The following PDE1A variants were observed in gnomAD, a reference collection of about 807,000 sequenced individuals.
The protein encoded by PDE1A is phosphodiesterase 1A.
PDE1A carries 35 observed loss-of-function variants against 61.7 expected under a neutral mutation model. The ratio of observed to expected loss-of-function variants is 0.57; its 90% CI spans 0.43 to 0.75. PDE1A has a LOEUF of 0.75. Ranked by LOEUF, PDE1A falls within the 30% of genes least tolerant of loss-of-function variation. The pLI is 0.00. For missense variants in PDE1A, 597 were observed against 630.6 expected, an observed-to-expected ratio of 0.95 and a Z score of 0.57; for synonymous variants, 232 against 213.2, an observed-to-expected ratio of 1.09 and a Z score of -0.77.
At chr2:182,450,766 T>C (rs193186613) in intron 2 of PDE1A, among the ~76,000 whole-genome samples, 47 of 150,944 alleles carry the variant, frequency 3.1e-4, no homozygotes, top group African/African-American at 1.1e-3. Flanking sequence ...TTTCACTATG[T>C]ATAAAAAAGA....
the PDE1A span, among the ~76,000 whole-genome samples, chr2:182,671,293 T>A: frequency 1.3e-4 from 3 of 23,422 alleles, no homozygotes; most frequent in Admixed American, 8.3e-4. Flanking sequence ...TGCCTCAGCC[T>A]CCCGAGTAGC....
At chr2:182,573,030 T>A in the PDE1A span, among the ~76,000 whole-genome samples, 1 of 152,126 alleles carries the variant, frequency 6.6e-6, no homozygotes, top group Non-Finnish European at 1.5e-5. Context: ...TGTTTTTAAA[T>A]CCCCAATGAA....
intron 3 of PDE1A, among the ~76,000 whole-genome samples, chr2:182,238,565 T>G (rs914863023): frequency 1.3e-5 from 2 of 152,202 alleles, no homozygotes; most frequent in Non-Finnish European, 2.9e-5. Context: ...AGACTTCAAG[T>G]AGACTTTCAG....
the PDE1A span, among the ~76,000 whole-genome samples, chr2:182,627,320 TTA>T: frequency 4.2e-4 from 36 of 86,536 alleles, no homozygotes; most frequent in African/African-American, 1.5e-3. Flanking sequence ...AATATATATA[TTA>T]TATATATAAA....
intron 1 of PDE1A, among the ~76,000 whole-genome samples, chr2:182,322,673 T>C (rs1444583248): frequency 6.6e-6 from 1 of 152,196 alleles, no homozygotes; most frequent in African/African-American, 2.4e-5. Context: ...AATTAAAAAG[T>C]TATGTGATTC....
chr2:182,607,366 A>G, the PDE1A span, among the ~76,000 whole-genome samples: 1 of 152,230 alleles, frequency 6.6e-6, no homozygotes, highest in African/African-American at 2.4e-5. Context: ...CAGGAAAGCC[A>G]AAGTATGCCT....
the PDE1A span, among the ~76,000 whole-genome samples, chr2:182,594,519 A>C: frequency 3.5e-4 from 53 of 152,330 alleles, no homozygotes; most frequent in East Asian, 8.9e-3. Context: ...AGCCCTATTA[A>C]GGCATTCCTC....
downstream of PDE1A, among the ~76,000 whole-genome samples, chr2:182,167,165 C>G (rs1003232163): frequency 5.3e-5 from 8 of 152,108 alleles, no homozygotes; most frequent in Non-Finnish European, 1.2e-4. Flanking sequence ...ATGGAAACTT[C>G]CTAAATTCCT....
intron 2 of PDE1A, among the ~76,000 whole-genome samples, chr2:182,516,702 G>GAGGAAGGAAGGAAGGAAGGATGGAAGGA (rs1690183188): frequency 8.6e-6 from 1 of 116,764 alleles, no homozygotes; most frequent in African/African-American, 3.4e-5. Context: ...GGGAGGAAGG[G>GAGGAAGGAAGGAAGGAAGGATGGAAGGA]AGGAAGGAAG....
the PDE1A span, among the ~76,000 whole-genome samples, chr2:182,591,934 T>C: frequency 6.6e-6 from 1 of 152,214 alleles, no homozygotes; most frequent in Admixed American, 6.5e-5. Context: ...CCAGTGCTCA[T>C]CAGAAAGCAA....
At chr2:182,169,923 C>CACACACAT (rs1692012496) in intron 13 of PDE1A, among the ~76,000 whole-genome samples, 1 of 27,390 alleles carries the variant, frequency 3.7e-5, no homozygotes, top group Non-Finnish European at 9.7e-5. Flanking sequence ...CACACACACG[C>CACACACAT]ACACACACAC....
chr2:182,654,721 G>T, the PDE1A span, among the ~76,000 whole-genome samples: 5 of 152,108 alleles, frequency 3.3e-5, no homozygotes, highest in Admixed American at 1.3e-4. Flanking sequence ...TCCCTTCAAT[G>T]AATGGGCTCT....
chr2:182,529,747 G>A, the PDE1A span, among the ~76,000 whole-genome samples: 6 of 152,170 alleles, frequency 3.9e-5, no homozygotes, highest in Admixed American at 2.0e-4. Context: ...TCATGGTAGT[G>A]AATAAGTCTC....
intron 1 of PDE1A, among the ~76,000 whole-genome samples, chr2:182,410,223 T>A (rs1215307309): frequency 6.6e-6 from 1 of 152,050 alleles, no homozygotes; most frequent in African/African-American, 2.4e-5. Context: ...TTTAATTAGC[T>A]AGGCATGGTG....
chr2:182,561,529 G>A, the PDE1A span, among the ~76,000 whole-genome samples: 1 of 152,116 alleles, frequency 6.6e-6, no homozygotes, highest in Non-Finnish European at 1.5e-5. Context: ...GGATTGACTT[G>A]GCAATGCGGG....
At chr2:182,192,997 T>C (rs1194903141) in intron 10 of PDE1A, among the ~76,000 whole-genome samples, 1 of 152,088 alleles carries the variant, frequency 6.6e-6, no homozygotes, top group African/African-American at 2.4e-5. Context: ...TTTGTTTTTC[T>C]TTTTTTCTTG....
intron 2 of PDE1A, among the ~76,000 whole-genome samples, chr2:182,456,343 A>C (rs1351503029): frequency 6.6e-6 from 1 of 152,046 alleles, no homozygotes; most frequent in Admixed American, 6.6e-5. Context: ...TCCAATGCAC[A>C]CTAGTTTCAA....
At chr2:182,383,353 T>G (rs1467552740) in intron 1 of PDE1A, among the ~76,000 whole-genome samples, 4 of 152,222 alleles carry the variant, frequency 2.6e-5, no homozygotes, top group Non-Finnish European at 5.9e-5. Context: ...TCAAATATCA[T>G]CTTGAGCCAT....
At chr2:182,185,201 T>G (rs1040257429) in intron 13 of PDE1A, among the ~76,000 whole-genome samples, 6 of 152,150 alleles carry the variant, frequency 3.9e-5, no homozygotes, top group Non-Finnish European at 8.8e-5. Context: ...GAGGCCATTG[T>G]GCAGGGAGTG....
Sources: allele counts gnomAD v4.1 joint callset (sites outside exome capture counted in the v4.1 genomes callset), GRCh38; gene constraint gnomAD v4.1.1; transcripts MANE v1.5; gene names NCBI Gene and HGNC (gene_info 2026-07-23, HGNC 2026-07-21).